DNAH9: variants seen among roughly 807,000 people sequenced by gnomAD.
DNAH9 encodes the protein DNAH9 variant protein.
Under a neutral mutation model 471.6 loss-of-function variants are expected in DNAH9, and 345 were observed. The observed-to-expected ratio is 0.73, with a 90% confidence interval of 0.67 to 0.80. The LOEUF is 0.80. Among genes scored for constraint, DNAH9 ranks in the 30% least tolerant of loss-of-function variants. The pLI is 0.00. For synonymous variants in DNAH9, 2,093 were observed against 2,123.6 expected (o/e 0.99, Z 0.40); for missense variants, 5,407 against 5,609.2 (o/e 0.96, Z 1.15).
Position 11,629,464 on chromosome 17 carries a change from G to A in DNAH9, c.1398G>A (p.Glu466=), listed in dbSNP as rs2073027377. 1.9e-6 allele frequency: 3 copies of A among 1,614,180 alleles called. No individual in the cohort carries two copies. Among genetic ancestry groups the A allele is most frequent in the South Asian group, 1.1e-5 (1 of 91,082 alleles). ...ATTTCCACAAACTGGGAAAGGTGGA[G>A]TTCAGCGGCGTCAGAGGGAATGCTC... ...ALDFHKLGKV[E]FSGVRGNALS... Residue 466 remains glutamate (E), a synonymous_variant, in exon 7 of 69, where the codon GAG becomes GAA. Coordinates refer to ENST00000262442, the MANE Select transcript of DNAH9 (RefSeq NM_001372.4).
intron 49 of DNAH9, among the ~76,000 whole-genome samples, chr17:11,845,738 T>G (rs1971199237): frequency 1.4e-5 from 2 of 139,884 alleles, no homozygotes; most frequent in South Asian, 2.4e-4. Flanking sequence ...GTTTTGATTT[T>G]CATTGCTCTG....
At position 11,689,813 on chromosome 17, in the gene DNAH9, G is replaced by T; in HGVS notation, c.3991G>T (p.Ala1331Ser). 1 of 1,614,070 alleles carries T rather than the reference G, an allele frequency of 6.2e-7. No homozygotes were observed. The highest frequency in any genetic ancestry group is 8.5e-7 in the Non-Finnish European group (1 of 1,179,956). Residue 1331 changes from alanine to serine, a missense_variant, in exon 20 of 69, where the codon GCC becomes TCC. Physicochemically the swap from Ala to Ser is moderately conservative, Grantham distance 99. This residue lies in a region of DNAH9 where 4,636 missense variants were observed against 4,900.3 expected (regional missense o/e 0.95). Coordinates refer to ENST00000262442, the MANE Select transcript of DNAH9 (RefSeq NM_001372.4). The part of the protein sequence containing the change: ...TTPWRNINVE[A>S]MELECKQFAR... ...ACCCTGGAGGAATATCAACGTGGAAGCCATGGAGTTGGAGTGCAAACAGTT... is the reference window on the plus strand; with the variant it reads ...ACCCTGGAGGAATATCAACGTGGAATCCATGGAGTTGGAGTGCAAACAGTT...
At chr17:11,643,688 G>C (rs1242950955) in intron 10 of DNAH9, among the ~76,000 whole-genome samples, 2 of 152,070 alleles carry the variant, frequency 1.3e-5, no homozygotes, top group East Asian at 3.9e-4. Context: ...TGATCAACAC[G>C]CTCTATGATC....
rs749409414 is a variant in DNAH9, at chr17:11,822,051, C to T, written c.8839C>T (p.Arg2947Ter). 2.4e-5 allele frequency: 38 copies of T among 1,611,946 alleles called. No homozygotes were observed. Among genetic ancestry groups the T allele is most frequent in the East Asian group, 1.6e-4 (7 of 44,882 alleles). The change falls in exon 46 of 69, where the codon CGA (arginine) becomes TGA (stop). Residue 2947 changes from arginine to a stop codon, truncating the protein, a stop_gained. Transcript: ENST00000262442. LOFTEE classifies it high-confidence loss of function. Reference sequence around the variant, plus strand: ...GAAGTTCTTTATAGATCGGATCCGGCGACAGCTGAAGGTAAAGAGCATTTA... The same window carrying T: ...GAAGTTCTTTATAGATCGGATCCGGTGACAGCTGAAGGTAAAGAGCATTTA... ...CWKFFIDRIR[R>*]QLKVTLCFSP...
chr17:11,669,448 T>C lies in DNAH9; in HGVS notation c.3007T>C (p.Cys1003Arg), dbSNP rs770767290. 32 of 1,614,122 alleles carry C rather than the reference T, an allele frequency of 2.0e-5. No individual in the cohort carries two copies. Among genetic ancestry groups the C allele is most frequent in the Non-Finnish European group, 2.6e-5 (31 of 1,179,972 alleles). ...GAGAGTCCAGAGAATGATGGGCCTC[T>C]GCTGTGGCTATCAGAGCACCTTCAG... The part of the protein sequence containing the change: ...MERVQRMMGL[C>R]CGYQSTFSQY... The change falls in exon 17 of 69, where the codon TGC becomes CGC. Residue 1003 changes from cysteine (C) to arginine (R), a missense_variant. By Grantham distance (180) the Cys-to-Arg change is radical (BLOSUM62 -3). Around this residue, in one of 3 missense-constraint regions of DNAH9, gnomAD observed 4,636 missense variants for 4,900.3 expected, o/e 0.95. Transcript: ENST00000262442.
At chr17:11,609,480 G>A (rs1213138489) in intron 2 of DNAH9, among the ~76,000 whole-genome samples, 1 of 152,112 alleles carries the variant, frequency 6.6e-6, no homozygotes. Context: ...CCAAAAGACT[G>A]GATCATTTTG....
Position 11,647,141 on chromosome 17 carries a change from A to G in DNAH9, c.2040A>G (p.Gln680=). ...VSEKSQYNLS[Q]PLLKRDPETK... ...AGAAGTCACAGTACAATCTTTCCCAACCACTTCTAAAACGTGACCCAGAGA... is the reference window on the plus strand; with the variant it reads ...AGAAGTCACAGTACAATCTTTCCCAGCCACTTCTAAAACGTGACCCAGAGA... Residue 680 remains glutamine (Q), a synonymous_variant, in exon 12 of 69, where the codon CAA becomes CAG. Transcript: ENST00000262442. The G allele has an allele frequency of 1.9e-6, 3 of 1,613,984 alleles. No individual in the cohort carries two copies. Among genetic ancestry groups the G allele is most frequent in the Non-Finnish European group, 1.7e-6 (2 of 1,179,892 alleles).
chr17:11,633,772 G>A (rs1316511649), intron 8 of DNAH9, among the ~76,000 whole-genome samples: 3 of 151,184 alleles, frequency 2.0e-5, no homozygotes, highest in Non-Finnish European at 4.4e-5. Flanking sequence ...CACTAAGGAT[G>A]CCCAGACCTA....
rs770534928 is a variant in DNAH9, at chr17:11,693,953, C to A, written c.4700C>A (p.Thr1567Asn). 2 of 1,614,052 alleles carry A rather than the reference C, an allele frequency of 1.2e-6. No homozygotes were observed. The highest frequency in any genetic ancestry group is 2.7e-5 in the African/African-American group (2 of 74,926). ...AAAATTCCAAATGTAGTGCAAACCA[C>A]CAACAAGCCAGGCCTGTATGAAAAG... ...AQKIPNVVQT[T>N]NKPGLYEKLE... Residue 1567 changes from threonine to asparagine, a missense_variant, in exon 21 of 69, where the codon ACC becomes AAC. Physicochemically the swap from Thr to Asn is moderately conservative, Grantham distance 65. This residue lies in a region of DNAH9 where 4,636 missense variants were observed against 4,900.3 expected (regional missense o/e 0.95). Coordinates refer to ENST00000262442, the MANE Select transcript of DNAH9 (RefSeq NM_001372.4).
In DNAH9 at chr17:11,822,903, A is replaced by G; in HGVS notation, c.9115A>G (p.Thr3039Ala). The G allele has an allele frequency of 6.2e-7, 1 of 1,614,236 alleles. No individual in the cohort carries two copies. Among genetic ancestry groups the G allele is most frequent in the Non-Finnish European group, 8.5e-7 (1 of 1,180,050 alleles). The stretch of plus-strand genomic sequence containing the variant: ...GAGCAATGAACAGCGCTACAACTAT[A>G]CAACTCCCAAGTCCTTTCTGGAGTT... ...YLSNEQRYNY[T>A]TPKSFLEFIR... Residue 3039 changes from threonine to alanine, a missense_variant, in exon 48 of 69, where the codon ACA becomes GCA. By Grantham distance (58) the Thr-to-Ala change is moderately conservative. Transcript: ENST00000262442.
chr17:11,626,229 AT>A lies in DNAH9; in HGVS notation c.1351-3187del, dbSNP rs534124045. On this transcript the variant is annotated intron_variant, in intron 6 of 68. Transcript: ENST00000262442. The surrounding 1 kb of genome is among the most constrained non-coding windows in gnomAD (Gnocchi z 4.3). The stretch of plus-strand genomic sequence containing the variant: ...ATGAATAAAAATAGATATTTAAAAA[AT>A]ATCATTTAAACTTCTTATTGATTTA... Among the ~76,000 whole-genome samples the A allele has an allele frequency of 1.4e-4, 21 of 152,248 alleles. No individual in the cohort carries two copies. The highest frequency in any genetic ancestry group is 1.1e-3 in the Admixed American group (17 of 15,284).
At chr17:11,657,568 C>T (rs1454698882) in intron 14 of DNAH9, among the ~76,000 whole-genome samples, 1 of 151,858 alleles carries the variant, frequency 6.6e-6, no homozygotes, top group Non-Finnish European at 1.5e-5. Context: ...TGTGATTTCC[C>T]TTTTCTCCTC....
chr17:11,922,453 T>C (rs951787540), intron 61 of DNAH9, among the ~76,000 whole-genome samples: 2 of 152,206 alleles, frequency 1.3e-5, no homozygotes, highest in Non-Finnish European at 2.9e-5. Context: ...CTCTACACTT[T>C]ATTGGATTGT....
chr17:11,631,565 C>G (rs951480391), intron 7 of DNAH9, among the ~76,000 whole-genome samples: 1 of 150,778 alleles, frequency 6.6e-6, no homozygotes, highest in African/African-American at 2.4e-5. Flanking sequence ...GGCTTGAACC[C>G]GGGAGGCAGA....
chr17:11,606,386 A>G (rs1597382840), intron 1 of DNAH9, among the ~76,000 whole-genome samples: 1 of 148,498 alleles, frequency 6.7e-6, no homozygotes, highest in East Asian at 2.0e-4. Flanking sequence ...CACTTGTGAG[A>G]TTTTGACAGT....
chr17:11,633,255 C>A (rs1447456487), intron 8 of DNAH9, among the ~76,000 whole-genome samples: 1 of 152,144 alleles, frequency 6.6e-6, no homozygotes, highest in Non-Finnish European at 1.5e-5. Flanking sequence ...CTCAGTGGAG[C>A]ATGATATGTG....
At chr17:11,604,303 T>G (rs551612311) in intron 1 of DNAH9, among the ~76,000 whole-genome samples, 1 of 152,264 alleles carries the variant, frequency 6.6e-6, no homozygotes, top group South Asian at 2.1e-4. Flanking sequence ...ATTACAGGTG[T>G]GAGCCGCCGC....
At chr17:11,609,600 A>G (rs937791719) in intron 2 of DNAH9, among the ~76,000 whole-genome samples, 3 of 152,214 alleles carry the variant, frequency 2.0e-5, no homozygotes, top group African/African-American at 7.2e-5. Flanking sequence ...TTCTGACATA[A>G]AAATGTGAAT....
At position 11,930,245 on chromosome 17, in the gene DNAH9, C is replaced by G. The variant is rs1408056813; in HGVS notation, c.12105+152C>G. 7 of 680,744 alleles carry G rather than the reference C, an allele frequency of 1.0e-5. No homozygotes were observed. The African/African-American group carries it at 1.3e-4, about 12-fold the overall frequency. The allele number at this position is 680,744 out of a possible 1,614,324, so 42.2% of individuals were successfully genotyped here. ...GTGGGTAAAATGTTCCCACCTGATG[C>G]CCACTCAGGGCAACCCCACTCTCCA... On this transcript the variant is annotated intron_variant, in intron 63 of 68. Transcript: ENST00000262442.
Sources: allele counts gnomAD v4.1 joint callset (sites outside exome capture counted in the v4.1 genomes callset), GRCh38; gene constraint gnomAD v4.1.1; regional missense constraint gnomAD v4.1.1; non-coding constraint Gnocchi (gnomAD v3.1); transcripts MANE v1.5; gene names NCBI Gene and HGNC (gene_info 2026-07-23, HGNC 2026-07-21).